MB21D2: variants seen among roughly 807,000 people sequenced by gnomAD.
MB21D2 encodes the protein nucleotidyltransferase MB21D2.
In MB21D2, 9 loss-of-function variants were observed where a neutral mutation model predicts 33.3. The observed-to-expected ratio is 0.27, with a 90% confidence interval of 0.16 to 0.47. The LOEUF is 0.47. Ranked by LOEUF, MB21D2 falls within the 20% of genes least tolerant of loss-of-function variation. MB21D2 has a pLI of 0.99. For missense variants in MB21D2, 540 were observed against 624.6 expected (o/e 0.86, Z 1.44); for synonymous variants, 241 against 236.3 (o/e 1.02, Z -0.18).
intron 1 of MB21D2, among the ~76,000 whole-genome samples, chr3:192,893,696 T>C (rs2108648111): frequency 6.6e-6 from 1 of 152,310 alleles, no homozygotes; most frequent in Non-Finnish European, 1.5e-5. Flanking sequence ...CAAGCACTTT[T>C]CTCCCTTTCG....
At chr3:192,844,290 G>A (rs371690938) in intron 1 of MB21D2, among the ~76,000 whole-genome samples, 11 of 152,310 alleles carry the variant, frequency 7.2e-5, no homozygotes, top group East Asian at 3.9e-4. Flanking sequence ...TGGAGGCAAG[G>A]AGTGTAGACA....
chr3:192,839,789 C>A (rs770028523), intron 1 of MB21D2, among the ~76,000 whole-genome samples: 2 of 152,166 alleles, frequency 1.3e-5, no homozygotes, highest in African/African-American at 4.8e-5. Context: ...TCAATCTATA[C>A]AGAAAACAAC....
chr3:192,885,116 T>C (rs548021075), intron 1 of MB21D2, among the ~76,000 whole-genome samples: 5 of 152,218 alleles, frequency 3.3e-5, no homozygotes, highest in African/African-American at 1.2e-4. Flanking sequence ...TAGCAAGGGT[T>C]AGACTAAAGA....
At chr3:192,842,217 GA>G (rs1353548244) in intron 1 of MB21D2, among the ~76,000 whole-genome samples, 4 of 152,272 alleles carry the variant, frequency 2.6e-5, no homozygotes, top group Non-Finnish European at 4.4e-5. Flanking sequence ...GGAATGGATT[GA>G]AGAGATGAAT....
chr3:192,860,341 T>C (rs1203086119), intron 1 of MB21D2, among the ~76,000 whole-genome samples: 1 of 152,252 alleles, frequency 6.6e-6, no homozygotes, highest in African/African-American at 2.4e-5. Context: ...AGGCTGTTTT[T>C]AAAATGTGGG....
At chr3:192,832,023 AG>A (rs1323258071) in intron 1 of MB21D2, among the ~76,000 whole-genome samples, 2 of 152,184 alleles carry the variant, frequency 1.3e-5, no homozygotes, top group African/African-American at 2.4e-5. Context: ...CCCAGCTGAG[AG>A]GAAAAAAAAC....
At chr3:192,837,925 C>T (rs2108623969) in intron 1 of MB21D2, among the ~76,000 whole-genome samples, 1 of 152,300 alleles carries the variant, frequency 6.6e-6, no homozygotes, top group South Asian at 2.1e-4. Flanking sequence ...CATTAGTTTT[C>T]TATTATTACA....
At chr3:192,873,131 T>C (rs1179692232) in intron 1 of MB21D2, among the ~76,000 whole-genome samples, 1 of 152,006 alleles carries the variant, frequency 6.6e-6, no homozygotes, top group Non-Finnish European at 1.5e-5. Flanking sequence ...CCAAAATGAA[T>C]CCATTACCTA....
chr3:192,806,885 T>G (rs1711672376), intron 1 of MB21D2, among the ~76,000 whole-genome samples: 1 of 152,306 alleles, frequency 6.6e-6, no homozygotes, highest in Non-Finnish European at 1.5e-5. Flanking sequence ...TGAACATGAG[T>G]TAGACCTGGA....
At chr3:192,862,255 G>C (rs902092784) in intron 1 of MB21D2, among the ~76,000 whole-genome samples, 1 of 152,134 alleles carries the variant, frequency 6.6e-6, no homozygotes, top group African/African-American at 2.4e-5. Context: ...ACTATAGACT[G>C]GATGATGATT....
At chr3:192,801,735 T>A (rs2108608448) in intron 1 of MB21D2, among the ~76,000 whole-genome samples, 1 of 152,290 alleles carries the variant, frequency 6.6e-6, no homozygotes, top group East Asian at 1.9e-4. Context: ...GAGAAATAAA[T>A]CCCTGCTGTT....
chr3:192,847,097 T>C (rs1413522503), intron 1 of MB21D2, among the ~76,000 whole-genome samples: 1 of 152,156 alleles, frequency 6.6e-6, no homozygotes, highest in African/African-American at 2.4e-5. Flanking sequence ...CTTCATGGTC[T>C]CCAGGTCAAG....
intron 1 of MB21D2, among the ~76,000 whole-genome samples, chr3:192,851,267 A>G (rs891197138): frequency 2.6e-4 from 40 of 152,328 alleles, no homozygotes; most frequent in African/African-American, 7.9e-4. Flanking sequence ...GCCACCTATT[A>G]TGCAATTCCA....
chr3:192,806,713 A>G (rs1711669006), intron 1 of MB21D2, among the ~76,000 whole-genome samples: 1 of 152,208 alleles, frequency 6.6e-6, no homozygotes, highest in Non-Finnish European at 1.5e-5. Context: ...GCCCTACAAT[A>G]TAATATGAAA....
At chr3:192,859,522 C>T (rs1252192081) in intron 1 of MB21D2, among the ~76,000 whole-genome samples, 1 of 152,136 alleles carries the variant, frequency 6.6e-6, no homozygotes, top group African/African-American at 2.4e-5. Context: ...CCCATCCCTG[C>T]CCTACCATCT....
chr3:192,883,365 G>C (rs976847503), intron 1 of MB21D2, among the ~76,000 whole-genome samples: 1 of 151,940 alleles, frequency 6.6e-6, no homozygotes, highest in African/African-American at 2.4e-5. Context: ...ATTATCTATT[G>C]ACAAGAAAAA....
chr3:192,822,948 TA>T (rs1712092597), intron 1 of MB21D2, among the ~76,000 whole-genome samples: 1 of 152,204 alleles, frequency 6.6e-6, no homozygotes, highest in Admixed American at 6.5e-5. Flanking sequence ...TGTAAACCTA[TA>T]TCCTTACAGG....
chr3:192,818,175 T>C (rs533220232), intron 1 of MB21D2, among the ~76,000 whole-genome samples: 162 of 152,262 alleles, frequency 1.1e-3, no homozygotes, highest in Non-Finnish European at 2.0e-3. Context: ...TTGAGCTCAT[T>C]CTCATGTCTC....
chr3:192,911,001 A>G (rs1343070414), intron 1 of MB21D2, among the ~76,000 whole-genome samples: 1 of 152,238 alleles, frequency 6.6e-6, no homozygotes, highest in Non-Finnish European at 1.5e-5. Context: ...CCCAACTTAT[A>G]TATTTAGAAA....
Sources: allele counts gnomAD v4.1 joint callset (sites outside exome capture counted in the v4.1 genomes callset), GRCh38; gene constraint gnomAD v4.1.1; transcripts MANE v1.5; gene names NCBI Gene and HGNC (gene_info 2026-07-23, HGNC 2026-07-21).